The following PCDH7 variants were observed in gnomAD, a reference collection of about 807,000 sequenced individuals.
PCDH7 encodes the protein protocadherin 7.
In PCDH7, 17 loss-of-function variants were observed where a neutral mutation model predicts 58.9. The observed-to-expected ratio is 0.29, with a 90% CI of 0.20 to 0.43. The LOEUF (loss-of-function observed/expected upper bound fraction) is 0.43, where lower values mean the gene tolerates loss of function less well. Ranked by LOEUF, PCDH7 falls within the 20% of genes least tolerant of loss-of-function variation. The pLI, the probability that PCDH7 is intolerant of heterozygous loss-of-function variation, is 1.00. For missense variants in PCDH7, 1,274 were observed against 1,441.0 expected (o/e 0.88, Z 1.88); for synonymous variants, 664 against 616.4 (o/e 1.08, Z -1.14).
At chr4:30,967,638 T>C (rs1200203120) in intron 3 of PCDH7, among the ~76,000 whole-genome samples, 2 of 152,176 alleles carry the variant, frequency 1.3e-5, no homozygotes, top group African/African-American at 4.8e-5. Context: ...TCTTATTTTC[T>C]TCTCTCGCTC....
intron 1 of PCDH7, among the ~76,000 whole-genome samples, chr4:30,837,460 G>A (rs1730628414): frequency 1.3e-5 from 2 of 150,136 alleles, no homozygotes; most frequent in South Asian, 4.2e-4. Flanking sequence ...GGAGAGTGTT[G>A]TGTCATTAAA....
At chr4:30,730,641 T>G in intron 1 of PCDH7, 1 of 714,484 alleles carries the variant, frequency 1.4e-6, no homozygotes, top group South Asian at 2.0e-5. Flanking sequence ...ATTAAAATTT[T>G]TCTTAGCTCC....
At chr4:30,960,974 G>A (rs1361937361) in intron 3 of PCDH7, among the ~76,000 whole-genome samples, 1 of 152,156 alleles carries the variant, frequency 6.6e-6, no homozygotes, top group Non-Finnish European at 1.5e-5. Context: ...TTTCATTAAA[G>A]AGTCTAGGTG....
intron 3 of PCDH7, among the ~76,000 whole-genome samples, chr4:31,085,713 A>G (rs978629268): frequency 1.3e-5 from 2 of 152,184 alleles, no homozygotes; most frequent in Non-Finnish European, 2.9e-5. Context: ...GGGTGTTTTC[A>G]TCAACTTTCC....
chr4:30,952,909 A>C (rs1747507823), intron 3 of PCDH7, among the ~76,000 whole-genome samples: 1 of 152,182 alleles, frequency 6.6e-6, no homozygotes, highest in African/African-American at 2.4e-5. Flanking sequence ...ATCCCTCTCC[A>C]CCACATTCTC....
intron 1 of PCDH7, among the ~76,000 whole-genome samples, chr4:30,821,377 G>A (rs1263843461): frequency 3.3e-5 from 5 of 152,208 alleles, no homozygotes; most frequent in Non-Finnish European, 2.9e-5. Context: ...CAGAGGAAAG[G>A]GGTCATCCCC....
chr4:30,847,876 C>A (rs189109451), intron 1 of PCDH7, among the ~76,000 whole-genome samples: 3 of 152,114 alleles, frequency 2.0e-5, no homozygotes. Context: ...AATCTCTAAA[C>A]CTAGTAATAT....
chr4:30,938,988 T>C (rs1745706132), intron 2 of PCDH7, among the ~76,000 whole-genome samples: 1 of 152,146 alleles, frequency 6.6e-6, no homozygotes, highest in Non-Finnish European at 1.5e-5. Context: ...TTAGAGTATT[T>C]CAAAATACTG....
intron 3 of PCDH7, among the ~76,000 whole-genome samples, chr4:31,113,013 T>C (rs544244050): frequency 2.0e-5 from 3 of 152,330 alleles, no homozygotes; most frequent in African/African-American, 7.2e-5. Flanking sequence ...TCAGGTCTTC[T>C]TTGTGCTCCC....
At chr4:30,764,154 T>C (rs1470297446) in intron 1 of PCDH7, among the ~76,000 whole-genome samples, 1 of 152,158 alleles carries the variant, frequency 6.6e-6, no homozygotes, top group Non-Finnish European at 1.5e-5. Context: ...ATGATACCCA[T>C]ATGTAAGGAA....
At chr4:31,042,279 A>G (rs746540735) in intron 3 of PCDH7, among the ~76,000 whole-genome samples, 1 of 152,164 alleles carries the variant, frequency 6.6e-6, no homozygotes, top group Non-Finnish European at 1.5e-5. Flanking sequence ...CTAGTCATCA[A>G]ATTAGAGTAA....
At chr4:30,833,926 A>G (rs1043564151) in intron 1 of PCDH7, among the ~76,000 whole-genome samples, 1 of 152,192 alleles carries the variant, frequency 6.6e-6, no homozygotes, top group Non-Finnish European at 1.5e-5. Flanking sequence ...TCAAATAAGT[A>G]AGAGGTGGTG....
downstream of PCDH7, among the ~76,000 whole-genome samples, chr4:30,733,158 G>C (rs185180239): frequency 1.3e-5 from 2 of 152,146 alleles, no homozygotes; most frequent in African/African-American, 4.8e-5. Context: ...TGTGGACAAC[G>C]GACAGGTTTA....
At chr4:30,805,409 G>A (rs1726060493) in intron 1 of PCDH7, among the ~76,000 whole-genome samples, 1 of 152,038 alleles carries the variant, frequency 6.6e-6, no homozygotes, top group South Asian at 2.1e-4. Context: ...TATAAAATGA[G>A]GATAATACTA....
At chr4:30,974,915 A>G (rs113744954) in intron 3 of PCDH7, among the ~76,000 whole-genome samples, 46 of 152,310 alleles carry the variant, frequency 3.0e-4, no homozygotes, top group Admixed American at 6.5e-4. Context: ...GTATTTCTCT[A>G]ATAGACTTTC....
chr4:31,068,664 G>T (rs1292448341), intron 3 of PCDH7, among the ~76,000 whole-genome samples: 1 of 151,984 alleles, frequency 6.6e-6, no homozygotes, highest in Non-Finnish European at 1.5e-5. Flanking sequence ...CCTCATAACT[G>T]TCGAGGGATT....
At chr4:30,852,725 G>T (rs1302880641) in intron 1 of PCDH7, among the ~76,000 whole-genome samples, 2 of 148,684 alleles carry the variant, frequency 1.3e-5, no homozygotes, top group Admixed American at 1.4e-4. Context: ...CAGAATTCCA[G>T]CATTATTGGC....
At chr4:30,860,263 G>GGTCTAAAAAGGAGAGTCTTTTT (rs1303110161) in intron 1 of PCDH7, among the ~76,000 whole-genome samples, 3 of 151,920 alleles carry the variant, frequency 2.0e-5, no homozygotes, top group Non-Finnish European at 4.4e-5. Flanking sequence ...CTCCAGGGAG[G>GGTCTAAAAAGGAGAGTCTTTTT]GTCTAAAAAG....
At chr4:30,875,630 T>C (rs1260969985) in intron 1 of PCDH7, among the ~76,000 whole-genome samples, 2 of 152,142 alleles carry the variant, frequency 1.3e-5, no homozygotes, top group African/African-American at 4.8e-5. Context: ...CAGTGCATTC[T>C]ACCTAAATAG....
Sources: allele counts gnomAD v4.1 joint callset (sites outside exome capture counted in the v4.1 genomes callset), GRCh38; gene constraint gnomAD v4.1.1; transcripts MANE v1.5; gene names NCBI Gene and HGNC (gene_info 2026-07-23, HGNC 2026-07-21).